The following GALP variants were observed in gnomAD, a reference collection of about 807,000 sequenced individuals.
GALP encodes galanin like peptide, also known as galanin-like peptide.
A neutral mutation model predicts 15.2 loss-of-function variants in GALP; 12 were observed. The observed-to-expected ratio is 0.79, with a 90% confidence interval of 0.51 to 1.28. GALP has a LOEUF of 1.28. GALP is among the 50% of genes most tolerant of loss of function. GALP has a pLI of 0.00. For synonymous variants in GALP, 58 were observed against 55.1 expected (o/e 1.05, Z -0.23); for missense variants, 161 against 145.6 (o/e 1.11, Z -0.55).
At chr19:56,180,893 TTCTTTC>T (rs1311536490) in intron 3 of GALP, among the ~76,000 whole-genome samples, 1 of 79,822 alleles carries the variant, frequency 1.3e-5, no homozygotes, top group African/African-American at 5.1e-5. Flanking sequence ...CTCTCACTCT[TTCTTTC>T]TTTCTTTCTT....
At chr19:56,183,319 A>G in intron 5 of GALP, 107 bp downstream of exon 5, 1 of 880,528 alleles carries the variant, frequency 1.1e-6, no homozygotes, top group South Asian at 1.4e-5. Flanking sequence ...ACTGGAACCA[A>G]CCAGGGACCT....
chr19:56,183,549 C>T (rs931556428), intron 5 of GALP, among the ~76,000 whole-genome samples: 1 of 152,226 alleles, frequency 6.6e-6, no homozygotes, highest in Admixed American at 6.5e-5. Flanking sequence ...GCCTCAGCTA[C>T]AACATTGACG....
intron 3 of GALP, among the ~76,000 whole-genome samples, 170 bp from the exon 4 acceptor site, chr19:56,182,002 A>C (rs527848366): frequency 2.6e-5 from 4 of 152,286 alleles, no homozygotes; most frequent in Admixed American, 6.5e-5. Context: ...GACCGCTTGC[A>C]GCTGCACGAT....
At chr19:56,184,772 T>C (rs916408555) in intron 5 of GALP, among the ~76,000 whole-genome samples, 1 of 151,826 alleles carries the variant, frequency 6.6e-6, no homozygotes, top group Non-Finnish European at 1.5e-5. Context: ...CATGAGCCAC[T>C]GCGCCCAGCT....
At chr19:56,180,034 C>T (rs1453915828) in intron 2 of GALP, among the ~76,000 whole-genome samples, 1 of 152,130 alleles carries the variant, frequency 6.6e-6, no homozygotes, top group Non-Finnish European at 1.5e-5. Flanking sequence ...ACCTCAGCCT[C>T]CCAAAGTGCT....
intron 3 of GALP, among the ~76,000 whole-genome samples, chr19:56,181,190 A>G (rs1335580644): frequency 2.0e-5 from 3 of 151,464 alleles, no homozygotes; most frequent in Admixed American, 2.0e-4. Context: ...TGGCCTCCCA[A>G]AATGCTGGGA....
At position 56,185,482 on chromosome 19, in the gene GALP, A is replaced by G; in HGVS notation, c.*212A>G. 1 of 437,238 alleles carries G rather than the reference A, an allele frequency of 2.3e-6. No individual in the cohort carries two copies. Among genetic ancestry groups the G allele is most frequent in the Non-Finnish European group, 4.0e-6 (1 of 250,162 alleles). 27.1% of individuals were successfully genotyped at this position (437,238 alleles called of 1,614,324 possible). A position where few individuals can be genotyped will look rare whatever the true frequency, so the allele number is the denominator to read the frequency against. The stretch of plus-strand genomic sequence containing the variant: ...CTTGAAATCAGTATAATGTGCTATT[A>G]ATGGAACCAATAGTAATTCGAGGAC... On this transcript the variant is annotated 3_prime_UTR_variant, in exon 6 of 6. Transcript: ENST00000357330.
intron 2 of GALP, among the ~76,000 whole-genome samples, chr19:56,178,934 G>A (rs1228286117): frequency 6.6e-6 from 1 of 152,198 alleles, no homozygotes; most frequent in Admixed American, 6.5e-5. Flanking sequence ...CAGCACTTTG[G>A]GAGGCCGAGG....
chr19:56,178,262 G>A (rs139011716), intron 2 of GALP, among the ~76,000 whole-genome samples: 4,169 of 151,430 alleles, frequency 0.028, 87 homozygotes, highest in African/African-American at 0.049. Flanking sequence ...TCAGGAGTTC[G>A]AGACCAGCCT....
At chr19:56,180,202 C>T (rs11084424) in intron 2 of GALP, among the ~76,000 whole-genome samples, 5 of 152,092 alleles carry the variant, frequency 3.3e-5, no homozygotes, top group Non-Finnish European at 5.9e-5. Context: ...ATGAGCACCA[C>T]CCCCAGGCTT....
At position 56,183,170 on chromosome 19, in the gene GALP, A is replaced by G; in HGVS notation, c.253A>G (p.Lys85Glu). The change falls in exon 5 of 6, where the codon AAG (lysine) becomes GAG (glutamate). Residue 85 changes from lysine to glutamate, a missense_variant. Physicochemically the swap from Lys to Glu is moderately conservative, Grantham distance 56 (BLOSUM62 1). Transcript: ENST00000357330. Reference sequence around the variant, plus strand: ...CTACTCCCACCCTCCACAGCCCTCCAAGAGGAATGTGATGGAGACGTTTGC... The same window carrying G: ...CTACTCCCACCCTCCACAGCCCTCCGAGAGGAATGTGATGGAGACGTTTGC... ...LPYSHPPQPSKRNVMETFAKP... is the reference protein window; with the variant it reads ...LPYSHPPQPSERNVMETFAKP... 1 of 1,613,908 alleles carries G rather than the reference A, an allele frequency of 6.2e-7. No homozygotes were observed. The highest frequency in any genetic ancestry group is 8.5e-7 in the Non-Finnish European group (1 of 1,179,824).
intron 5 of GALP, among the ~76,000 whole-genome samples, chr19:56,183,742 C>A (rs944301575): frequency 6.6e-6 from 1 of 152,028 alleles, no homozygotes; most frequent in African/African-American, 2.4e-5. Context: ...GGATTACAGG[C>A]ACGCGCCACC....
intron 5 of GALP, 48 bp downstream of exon 5, chr19:56,183,260 C>A (rs2122173237): frequency 6.9e-7 from 1 of 1,442,802 alleles, no homozygotes; most frequent in Non-Finnish European, 9.8e-7. Context: ...AGAGGGGGAA[C>A]AAGGAAGTGG....
intron 2 of GALP, among the ~76,000 whole-genome samples, chr19:56,177,741 C>T (rs1000549859): frequency 5.9e-5 from 9 of 152,136 alleles, no homozygotes; most frequent in African/African-American, 9.7e-5. Context: ...CCGGGATCTG[C>T]GACTTTCTAG....
rs768796523 is a variant in GALP at position 56,185,453 on chromosome 19, C to A, written c.*183C>A. The A allele has an allele frequency of 1.8e-5, 9 of 489,976 alleles. No homozygotes were observed. The highest frequency in any genetic ancestry group is 6.1e-5 in the African/African-American group (3 of 49,568). 30.4% of individuals were successfully genotyped at this position (489,976 alleles called of 1,614,324 possible). On this transcript the variant is annotated 3_prime_UTR_variant, in exon 6 of 6. Coordinates refer to ENST00000357330, the MANE Select transcript of GALP (RefSeq NM_033106.4). ...TGGAGTTTCTTAGGTTTTATTGATT[C>A]ATCCTTGAAATCAGTATAATGTGCT...
At chr19:56,179,312 C>CT (rs59121203) in intron 2 of GALP, among the ~76,000 whole-genome samples, 3,236 of 139,844 alleles carry the variant, frequency 0.023, 88 homozygotes, top group African/African-American at 0.054. Context: ...CTCTTTCTTT[C>CT]TTTTTTTTTT....
chr19:56,181,532 G>A (rs1395752209), intron 3 of GALP, among the ~76,000 whole-genome samples: 3 of 148,756 alleles, frequency 2.0e-5, no homozygotes, highest in Non-Finnish European at 4.4e-5. Context: ...ATCCTCCCAA[G>A]TAGCTGGGAT....
rs186428817 is a variant in GALP at position 56,179,800 on chromosome 19, T to C, written c.88-786T>C. 7.0e-4 allele frequency among the ~76,000 whole-genome samples: 107 copies of C among 152,044 alleles called. 1 individual carries two copies. In the East Asian group the frequency reaches 0.011, roughly 16 times the overall value. ...CATGCCTGGCTAATTTTTGTATTTTTTGTTTTGTTTTGTTTTATTGAGACG... is the reference window on the plus strand; with the variant it reads ...CATGCCTGGCTAATTTTTGTATTTTCTGTTTTGTTTTGTTTTATTGAGACG... On this transcript the variant is annotated intron_variant, in intron 2 of 5. Coordinates refer to ENST00000357330, the MANE Select transcript of GALP (RefSeq NM_033106.4).
At chr19:56,178,521 C>CAACAAAAAAA (rs57740707) in intron 2 of GALP, among the ~76,000 whole-genome samples, 5 of 85,774 alleles carry the variant, frequency 5.8e-5, no homozygotes, top group African/African-American at 1.8e-4. Context: ...ACAACAACAA[C>CAACAAAAAAA]AAAAAAAAAA....
Sources: gnomAD v4.1 joint callset for allele counts (sites outside exome capture counted in the v4.1 genomes callset) on GRCh38, gnomAD v4.1.1 for gene constraint, MANE v1.5 for transcripts, NCBI Gene and HGNC (gene_info 2026-07-23, HGNC 2026-07-21) for gene names.